The following SMARCA1 variants were observed in gnomAD, a reference collection of about 807,000 sequenced individuals.
SMARCA1 encodes the protein SNF2 related chromatin remodeling ATPase 1, also known as SWI/SNF-related matrix-associated actin-dependent regulator of chromatin subfamily A member 1.
A neutral mutation model predicts 93.6 loss-of-function variants in SMARCA1; 17 were observed. The observed-to-expected ratio is 0.18, with a 90% CI of 0.12 to 0.27. The LOEUF (loss-of-function observed/expected upper bound fraction) is 0.27. Among genes scored for constraint, SMARCA1 ranks in the 10% least tolerant of loss-of-function variants. The pLI is 1.00. For missense variants in SMARCA1, 630 were observed against 819.0 expected (o/e 0.77, Z 2.82); for synonymous variants, 271 against 271.4 (o/e 1.00, Z 0.01).
At chrX:129,506,941 G>A (rs769533125) in intron 7 of SMARCA1, among the ~76,000 whole-genome samples, 13 of 110,630 alleles carry the variant, frequency 1.2e-4, no homozygotes, top group Non-Finnish European at 2.1e-4. Context: ...GAATTGAGCC[G>A]ATTTTCCCAG....
At chrX:129,514,105 A>G (rs1158479659) in intron 5 of SMARCA1, among the ~76,000 whole-genome samples, 2 of 112,808 alleles carry the variant, frequency 1.8e-5, no homozygotes, top group Non-Finnish European at 3.8e-5. Flanking sequence ...AGGCGGGAGG[A>G]TCACGAGGTC....
intron 9 of SMARCA1, 31 bp from the exon 10 acceptor site, chrX:129,499,872 TG>T: frequency 1.4e-6 from 1 of 718,410 alleles, no homozygotes. Flanking sequence ...TAAAAGTTTA[TG>T]AAACATTTAA....
intron 6 of SMARCA1, among the ~76,000 whole-genome samples, chrX:129,508,369 G>A (rs753201441): frequency 8.9e-5 from 10 of 111,956 alleles, no homozygotes; most frequent in East Asian, 8.4e-4. Flanking sequence ...AGAAAAGTTC[G>A]TATGACCAGA....
intron 23 of SMARCA1, among the ~76,000 whole-genome samples, chrX:129,453,475 G>A (rs915667867): frequency 1.8e-5 from 2 of 111,661 alleles, no homozygotes; most frequent in African/African-American, 6.5e-5. Flanking sequence ...AGAAATAAAC[G>A]GTATTCAAAT....
chrX:129,492,575 G>A (rs1257008654), intron 13 of SMARCA1, among the ~76,000 whole-genome samples: 1 of 111,019 alleles, frequency 9.0e-6, no homozygotes, highest in Non-Finnish European at 1.9e-5. Context: ...ATGGGAATGA[G>A]GGCAACGGAT....
intron 6 of SMARCA1, among the ~76,000 whole-genome samples, chrX:129,509,785 G>A (rs1388268515): frequency 9.0e-6 from 1 of 111,683 alleles, no homozygotes; most frequent in African/African-American, 3.3e-5. Flanking sequence ...CCATTTCTAT[G>A]TCTACTATCT....
intron 14 of SMARCA1, 117 bp from the exon 15 acceptor site, chrX:129,490,309 G>A: frequency 2.4e-6 from 1 of 415,460 alleles, no homozygotes; most frequent in Non-Finnish European, 4.0e-6. Context: ...CTGACACTTT[G>A]GAAAAGAGCA....
At chrX:129,520,912 CTG>C (rs1034157163) in intron 1 of SMARCA1, among the ~76,000 whole-genome samples, 3 of 112,020 alleles carry the variant, frequency 2.7e-5, no homozygotes, top group African/African-American at 9.7e-5. Flanking sequence ...GAGTCTCACT[CTG>C]TTGCTCAGGT....
chrX:129,447,870 T>C (rs1437570429), intron 24 of SMARCA1, among the ~76,000 whole-genome samples: 2 of 111,983 alleles, frequency 1.8e-5, no homozygotes, highest in African/African-American at 6.5e-5. Context: ...AGTTATCCTA[T>C]CAATTCAACA....
intron 20 of SMARCA1, among the ~76,000 whole-genome samples, chrX:129,469,447 C>T (rs1194358717): frequency 1.8e-5 from 2 of 111,855 alleles, no homozygotes; most frequent in East Asian, 5.6e-4. Context: ...GTTATTGGAG[C>T]CACTCAATTT....
chrX:129,515,340 G>A (rs1026523406), intron 5 of SMARCA1, among the ~76,000 whole-genome samples: 100 of 109,977 alleles, frequency 9.1e-4, no homozygotes, highest in African/African-American at 3.0e-3. Flanking sequence ...TGTGGGTGAC[G>A]TGGCGAGACC....
intron 19 of SMARCA1, among the ~76,000 whole-genome samples, chrX:129,477,413 C>T (rs993295576): frequency 9.0e-6 from 1 of 110,646 alleles, no homozygotes; most frequent in Non-Finnish European, 1.9e-5. Context: ...ATTAGCTGGG[C>T]GTAGTGGCAT....
intron 24 of SMARCA1, among the ~76,000 whole-genome samples, chrX:129,447,525 CT>C (rs1215108867): frequency 9.0e-6 from 1 of 111,463 alleles, no homozygotes. Flanking sequence ...TAAAGAACTA[CT>C]TAATGTTTTC....
chrX:129,463,705 A>C (rs1368945721), intron 23 of SMARCA1, among the ~76,000 whole-genome samples: 7 of 111,714 alleles, frequency 6.3e-5, no homozygotes, highest in African/African-American at 2.3e-4. Flanking sequence ...TGGGAGGCTG[A>C]GGCAGGTGGA....
chrX:129,523,247 C>T lies in SMARCA1; in HGVS notation c.124G>A (p.Ala42Thr). The T allele has an allele frequency of 8.3e-7, 1 of 1,211,230 alleles. No individual in the cohort carries two copies. ...STSQEEGAAA[A>T]ATEATAATEK... The stretch of plus-strand genomic sequence containing the variant: ...GTGGCCGCGGTGGCTTCGGTGGCCG[C>T]GGCGGCCGCTCCCTCCTCCTGAGAG... Residue 42 changes from alanine (A) to threonine (T), a missense_variant, in exon 1 of 25, where the codon GCG (alanine) becomes ACG (threonine). Ala to Thr is a moderately conservative substitution (Grantham distance 58). Coordinates refer to ENST00000371121, the MANE Select transcript of SMARCA1 (RefSeq NM_001282874.2).
At chrX:129,496,999 GCACACACA>G (rs56171349) in intron 11 of SMARCA1, 128 bp from the exon 12 acceptor site, 2 of 421,029 alleles carry the variant, frequency 4.8e-6, no homozygotes, top group East Asian at 4.2e-5. Flanking sequence ...ACACACACGT[GCACACACA>G]CACACACACA....
In SMARCA1 at chrX:129,496,890, A is replaced by G. The variant is rs1934348310; in HGVS notation, c.1505-19T>C. The G allele has an allele frequency of 8.4e-7, 1 of 1,188,209 alleles. No individual in the cohort carries two copies. Among genetic ancestry groups the G allele is most frequent in the Non-Finnish European group, 1.1e-6 (1 of 881,518 alleles). ...CTTGAACCTAAAACATTTCACCAAG[A>G]AAAAGTGAGTTGTACAACTTGTGTG... On this transcript the variant is annotated intron_variant, in intron 11 of 24. Coordinates refer to ENST00000371121, the MANE Select transcript of SMARCA1 (RefSeq NM_001282874.2).
At chrX:129,468,929 A>T (rs1932999496) in intron 20 of SMARCA1, 24 bp from the exon 21 acceptor site, 1 of 1,105,018 alleles carries the variant, frequency 9.0e-7, no homozygotes. Flanking sequence ...GTTAAGCATT[A>T]TCAATAGAGG....
At chrX:129,451,651 A>T (rs1932297562) in intron 23 of SMARCA1, among the ~76,000 whole-genome samples, 1 of 109,209 alleles carries the variant, frequency 9.2e-6, no homozygotes, top group Non-Finnish European at 1.9e-5. Context: ...TATGGGTGTT[A>T]CCTTCCTATC....
Sources: gnomAD v4.1 joint callset for allele counts (sites outside exome capture counted in the v4.1 genomes callset) on GRCh38, gnomAD v4.1.1 for gene constraint, MANE v1.5 for transcripts, NCBI Gene and HGNC (gene_info 2026-07-23, HGNC 2026-07-21) for gene names.